The following PDZRN3 variants were observed in gnomAD, a reference collection of about 807,000 sequenced individuals.
PDZRN3 encodes the protein PDZ domain containing ring finger 3.
A neutral mutation model predicts 85.7 loss-of-function variants in PDZRN3; 38 were observed. The observed-to-expected ratio is 0.44, with a 90% CI of 0.34 to 0.58. PDZRN3 has a LOEUF of 0.58. PDZRN3 is among the 20% of genes least tolerant of loss of function. The probability of loss-of-function intolerance (pLI) is 0.01; values close to 1 mark genes in which losing one functional copy is unlikely to be tolerated. For missense variants in PDZRN3, 1,629 were observed against 1,506.4 expected, an observed-to-expected ratio of 1.08 and a Z score of -1.35; for synonymous variants, 759 against 638.0, an observed-to-expected ratio of 1.19 and a Z score of -2.86.
chr3:73,390,957 G>GGA, intron 6 of PDZRN3, 61 bp downstream of exon 6: 2 of 901,298 alleles, frequency 2.2e-6, no homozygotes, highest in East Asian at 6.0e-5. Context: ...TGGTGAACAT[G>GGA]AAAAAAAAAA....
chr3:73,436,842 T>C (rs1198389799), intron 3 of PDZRN3, among the ~76,000 whole-genome samples: 1 of 151,950 alleles, frequency 6.6e-6, no homozygotes, highest in Admixed American at 6.6e-5. Context: ...GGTCAGGAGA[T>C]GGAGACCATC....
chr3:73,602,811 C>T (rs1702534261), intron 2 of PDZRN3, among the ~76,000 whole-genome samples: 2 of 152,162 alleles, frequency 1.3e-5, no homozygotes, highest in Admixed American at 1.3e-4. Context: ...TGTGATTATG[C>T]TAGTCTGACT....
intron 3 of PDZRN3, among the ~76,000 whole-genome samples, chr3:73,534,912 T>C (rs1026075840): frequency 1.3e-5 from 2 of 152,220 alleles, no homozygotes; most frequent in South Asian, 2.1e-4. Context: ...TTGAGTGCAG[T>C]AGACTGTATT....
At chr3:73,483,849 A>C (rs965421069) in intron 3 of PDZRN3, among the ~76,000 whole-genome samples, 1 of 152,180 alleles carries the variant, frequency 6.6e-6, no homozygotes, top group Non-Finnish European at 1.5e-5. Flanking sequence ...TGTGTGTGAA[A>C]AAGGCTGTGA....
At chr3:73,604,015 T>G (rs928971702) in intron 2 of PDZRN3, among the ~76,000 whole-genome samples, 1 of 152,120 alleles carries the variant, frequency 6.6e-6, no homozygotes, top group African/African-American at 2.4e-5. Context: ...GATATGTCTC[T>G]AACTGGCATC....
intron 3 of PDZRN3, chr3:73,569,377 G>A (rs1702008364): frequency 8.3e-7 from 1 of 1,199,910 alleles, no homozygotes; most frequent in Non-Finnish European, 1.1e-6. Flanking sequence ...GAGGGAGGGG[G>A]CCACATGTGT....
chr3:73,587,919 G>C (rs1429414142), intron 3 of PDZRN3, among the ~76,000 whole-genome samples: 4 of 152,040 alleles, frequency 2.6e-5, no homozygotes, highest in Non-Finnish European at 5.9e-5. Context: ...GTCAATTTGA[G>C]GCAAAAATGT....
At chr3:73,396,090 G>A (rs936228803) in intron 5 of PDZRN3, among the ~76,000 whole-genome samples, 2 of 152,172 alleles carry the variant, frequency 1.3e-5, no homozygotes, top group African/African-American at 4.8e-5. Context: ...AGGTATGGTG[G>A]CACATACCTG....
At chr3:73,494,703 T>A (rs1703834423) in intron 3 of PDZRN3, among the ~76,000 whole-genome samples, 1 of 152,220 alleles carries the variant, frequency 6.6e-6, no homozygotes, top group Non-Finnish European at 1.5e-5. Flanking sequence ...TATTAAGTAA[T>A]TTTTGCCTGC....
chr3:73,522,672 C>T lies in PDZRN3; in HGVS notation c.918+79682G>A, dbSNP rs188706031. 5.3e-5 allele frequency among the ~76,000 whole-genome samples: 8 copies of T among 152,230 alleles called. No individual in the cohort carries two copies. In the East Asian group the frequency reaches 1.5e-3, roughly 29 times the overall value. ...GTTTTTGGAGGAATATTTCACTTTACAGAAGATTTGCTCTTGGCCTCCCAA... is the reference window on the plus strand; with the variant it reads ...GTTTTTGGAGGAATATTTCACTTTATAGAAGATTTGCTCTTGGCCTCCCAA... On this transcript the variant is annotated intron_variant, in intron 3 of 9. Coordinates refer to ENST00000263666, the MANE Select transcript of PDZRN3 (RefSeq NM_015009.3).
At chr3:73,541,546 T>G (rs1166894521) in intron 3 of PDZRN3, among the ~76,000 whole-genome samples, 1 of 152,226 alleles carries the variant, frequency 6.6e-6, no homozygotes, top group Non-Finnish European at 1.5e-5. Context: ...GCATTCTGGT[T>G]TAAGGCTGCA....
chr3:73,586,576 T>A (rs1421207821), intron 3 of PDZRN3, among the ~76,000 whole-genome samples: 2 of 152,230 alleles, frequency 1.3e-5, no homozygotes, highest in African/African-American at 4.8e-5. Context: ...CCTTCCTTGA[T>A]CTTTTCCTAA....
At chr3:73,520,707 C>A (rs1264513782) in intron 3 of PDZRN3, among the ~76,000 whole-genome samples, 2 of 152,032 alleles carry the variant, frequency 1.3e-5, no homozygotes, top group Admixed American at 6.6e-5. Context: ...CACAAGCACA[C>A]ACACACAGAA....
intron 9 of PDZRN3, 127 bp downstream of exon 9, chr3:73,385,542 G>A (rs184748452): frequency 2.0e-5 from 13 of 652,946 alleles, no homozygotes; most frequent in Admixed American, 9.6e-5. Flanking sequence ...ACTTGAGGCT[G>A]TTTTCTTGCT....
intron 3 of PDZRN3, among the ~76,000 whole-genome samples, chr3:73,488,603 T>G (rs1703709757): frequency 6.6e-6 from 1 of 152,154 alleles, no homozygotes; most frequent in Admixed American, 6.5e-5. Flanking sequence ...CGGCCTTTCT[T>G]TGTCCTGACC....
intron 3 of PDZRN3, among the ~76,000 whole-genome samples, chr3:73,580,884 G>A (rs1031114620): frequency 4.6e-5 from 7 of 152,108 alleles, no homozygotes; most frequent in East Asian, 1.9e-4. Flanking sequence ...CTTCAATTGC[G>A]TCTTGCTTTA....
chr3:73,587,186 G>C (rs1223016970), intron 3 of PDZRN3, among the ~76,000 whole-genome samples: 1 of 152,206 alleles, frequency 6.6e-6, no homozygotes, highest in East Asian at 1.9e-4. Context: ...AATGTAGTGA[G>C]TGGCAAATGG....
At chr3:73,522,314 TTTTAA>T (rs1353295186) in intron 3 of PDZRN3, among the ~76,000 whole-genome samples, 14 of 152,236 alleles carry the variant, frequency 9.2e-5, no homozygotes, top group Admixed American at 7.2e-4. Flanking sequence ...GTGGAATTCT[TTTTAA>T]TTTAACTTTT....
At chr3:73,609,334 C>A (rs4676939) in intron 1 of PDZRN3, among the ~76,000 whole-genome samples, 17,564 of 152,094 alleles carry the variant, frequency 0.12, 1,121 homozygotes, top group East Asian at 0.19. Context: ...GTCAATGTGA[C>A]CTTTAAATCA....
Sources: gnomAD v4.1 joint callset for allele counts (sites outside exome capture counted in the v4.1 genomes callset) on GRCh38, gnomAD v4.1.1 for gene constraint, MANE v1.5 for transcripts, NCBI Gene and HGNC (gene_info 2026-07-23, HGNC 2026-07-21) for gene names.